FAM177A1: variants seen among roughly 807,000 people sequenced by gnomAD.
The protein encoded by FAM177A1 is protein FAM177A1.
In FAM177A1, 22 loss-of-function variants were observed where a neutral mutation model predicts 26.1. The observed-to-expected ratio is 0.84, with a 90% CI of 0.60 to 1.20. FAM177A1 has a LOEUF of 1.20. Ranked by LOEUF, FAM177A1 falls within the 50% of genes most tolerant of loss-of-function variation. The probability of loss-of-function intolerance (pLI) is 0.00; values close to 1 mark genes in which losing one functional copy is unlikely to be tolerated. For synonymous variants in FAM177A1, 95 were observed against 99.3 expected (o/e 0.96, Z 0.26); for missense variants, 296 against 291.1 (o/e 1.02, Z -0.12).
intron 2 of FAM177A1, among the ~76,000 whole-genome samples, chr14:35,056,677 G>C (rs1177834703): frequency 7.2e-5 from 11 of 151,916 alleles, no homozygotes; most frequent in Admixed American, 6.6e-4. Context: ...TTGAATGTTC[G>C]GAAGACTTCA....
chr14:35,073,932 A>G (rs983808334), intron 2 of FAM177A1, among the ~76,000 whole-genome samples: 5 of 152,098 alleles, frequency 3.3e-5, no homozygotes, highest in East Asian at 1.9e-4. Context: ...TTTCTTCTCA[A>G]TGATTTTCCT....
chr14:35,065,065 ATTTTTTTTTGT>A (rs945799055), intron 2 of FAM177A1, among the ~76,000 whole-genome samples: 3 of 150,682 alleles, frequency 2.0e-5, no homozygotes, highest in African/African-American at 7.3e-5. Flanking sequence ...CTGTCACCAT[ATTTTTTTTTGT>A]TGTTTTTTAA....
chr14:35,063,116 G>GC lies in FAM177A1; in HGVS notation c.339+9666dup, dbSNP rs1397490831. On this transcript the variant is annotated intron_variant, in intron 2 of 4. Coordinates refer to ENST00000280987, the MANE Select transcript of FAM177A1 (RefSeq NM_173607.5). ...TCGGAGATTGCAGTGAGCCAAGATC[G>GC]CGCCACTGCACTCCAGCCTGGCAAC... 1.0e-3 allele frequency among the ~76,000 whole-genome samples: 134 copies of GC among 134,668 alleles called. 1 individual carries two copies. Among genetic ancestry groups the GC allele is most frequent in the Middle Eastern group, 5.2e-3 (1 of 194 alleles). 88.3% of individuals were successfully genotyped at this position (134,668 alleles called of 152,430 possible). A position where few individuals can be genotyped will look rare whatever the true frequency, so the allele number is the denominator to read the frequency against.
chr14:35,060,766 G>GT (rs2045139326), intron 2 of FAM177A1, among the ~76,000 whole-genome samples: 1 of 152,032 alleles, frequency 6.6e-6, no homozygotes, highest in Non-Finnish European at 1.5e-5. Flanking sequence ...TTTATTTGTA[G>GT]TTTTGCTTTT....
intron 1 of FAM177A1, among the ~76,000 whole-genome samples, chr14:35,052,833 G>C (rs1379853473): frequency 1.3e-5 from 2 of 151,986 alleles, no homozygotes; most frequent in Non-Finnish European, 2.9e-5. Context: ...GACACAGAAG[G>C]ATCACTTGAG....
chr14:35,066,538 G>T (rs1307467473), intron 2 of FAM177A1, among the ~76,000 whole-genome samples: 2 of 151,346 alleles, frequency 1.3e-5, no homozygotes, highest in Non-Finnish European at 2.9e-5. Flanking sequence ...CCTTGTAGCT[G>T]GGATTACAGG....
At chr14:35,046,697 CTT>C (rs1467731663) in intron 1 of FAM177A1, 69 bp downstream of exon 1, 1 of 1,469,420 alleles carries the variant, frequency 6.8e-7, no homozygotes, top group Non-Finnish European at 9.0e-7. Flanking sequence ...GCGGGCCGCT[CTT>C]TTAGCCTGCG....
intron 2 of FAM177A1, among the ~76,000 whole-genome samples, chr14:35,074,002 T>G (rs1227599830): frequency 6.6e-6 from 1 of 152,234 alleles, no homozygotes; most frequent in Non-Finnish European, 1.5e-5. Context: ...TCTCTTGTTT[T>G]GTTGACATTT....
chr14:35,050,334 T>C (rs1180962341), intron 1 of FAM177A1: 1 of 152,130 alleles, frequency 6.6e-6, no homozygotes, highest in African/African-American at 2.4e-5. Context: ...TTTGTAATTA[T>C]TGGATTTCTG....
At chr14:35,058,445 AT>A (rs1284776446) in intron 2 of FAM177A1, among the ~76,000 whole-genome samples, 3 of 152,202 alleles carry the variant, frequency 2.0e-5, no homozygotes, top group Admixed American at 2.0e-4. Context: ...TTTCTGTCAG[AT>A]TTGTTTAATG....
chr14:35,049,466 G>A (rs371692451), intron 1 of FAM177A1, among the ~76,000 whole-genome samples: 3 of 152,212 alleles, frequency 2.0e-5, no homozygotes, highest in East Asian at 3.9e-4. Context: ...TGCCATGGGA[G>A]TATATACAAA....
chr14:35,047,625 T>C (rs2044890319), intron 1 of FAM177A1, among the ~76,000 whole-genome samples: 2 of 152,180 alleles, frequency 1.3e-5, no homozygotes, highest in Non-Finnish European at 2.9e-5. Context: ...GGCGCTCGCC[T>C]GTAGTCCCAG....
intron 2 of FAM177A1, among the ~76,000 whole-genome samples, chr14:35,076,638 C>T (rs928540679): frequency 2.6e-5 from 4 of 151,886 alleles, no homozygotes; most frequent in Admixed American, 1.3e-4. Context: ...CTTATCTTGC[C>T]GCTTATTTGT....
Position 35,082,504 on chromosome 14 carries a change from C to T in FAM177A1, c.*1276C>T, listed in dbSNP as rs1455645701. 1 of 151,918 alleles carries T rather than the reference C, an allele frequency of 6.6e-6. No homozygotes were observed. The highest frequency in any genetic ancestry group is 2.4e-5 in the African/African-American group (1 of 41,266). The allele number at this position is 151,918 out of a possible 1,614,324, so 9.4% of individuals were successfully genotyped here. A position where few individuals can be genotyped will look rare whatever the true frequency, so the allele number is the denominator to read the frequency against. On this transcript the variant is annotated 3_prime_UTR_variant, in exon 5 of 5. Transcript: ENST00000280987. ...CTCCAGCCTGGGCGACAGAGTGAGA[C>T]TCCATCTTGGGGGGAAAAAAGTATA...
chr14:35,060,035 G>A (rs191260425), intron 2 of FAM177A1, among the ~76,000 whole-genome samples: 30 of 151,312 alleles, frequency 2.0e-4, no homozygotes, highest in African/African-American at 6.3e-4. Context: ...GTGCAGTGGC[G>A]TGATCTCGGC....
chr14:35,080,931 T>A, intron 4 of FAM177A1, 91 bp from the exon 5 acceptor site: 1 of 1,359,842 alleles, frequency 7.4e-7, no homozygotes, highest in South Asian at 2.0e-5. Flanking sequence ...TTTTTTTTTT[T>A]TAAACATAAG....
chr14:35,045,571 G>T (rs1232624433), upstream of FAM177A1, among the ~76,000 whole-genome samples: 1 of 152,092 alleles, frequency 6.6e-6, no homozygotes. Flanking sequence ...TGTATGTTTT[G>T]GTTTTGCCCC....
At chr14:35,070,470 C>T (rs1354389580) in intron 2 of FAM177A1, among the ~76,000 whole-genome samples, 1 of 152,088 alleles carries the variant, frequency 6.6e-6, no homozygotes, top group Non-Finnish European at 1.5e-5. Context: ...GCTGGGACTA[C>T]AGGTGCATGC....
chr14:35,046,137 G>T (rs571838339), upstream of FAM177A1: 14 of 209,842 alleles, frequency 6.7e-5, no homozygotes, highest in East Asian at 1.5e-3. Flanking sequence ...TCAGGTACAC[G>T]TACCAGAAAT....
Sources: allele counts gnomAD v4.1 joint callset (sites outside exome capture counted in the v4.1 genomes callset), GRCh38; gene constraint gnomAD v4.1.1; transcripts MANE v1.5; gene names NCBI Gene and HGNC (gene_info 2026-07-23, HGNC 2026-07-21).